The following KHDRBS2 variants were observed in gnomAD, a reference collection of about 807,000 sequenced individuals.
The protein encoded by KHDRBS2 is KH RNA binding domain containing, signal transduction associated 2.
Under a neutral mutation model 44.3 loss-of-function variants are expected in KHDRBS2, and 26 were observed. That is an observed-to-expected ratio of 0.59 (90% confidence interval 0.43 to 0.81). KHDRBS2 has a LOEUF of 0.81. Among genes scored for constraint, KHDRBS2 ranks in the 40% least tolerant of loss-of-function variants. The pLI is 0.00. For synonymous variants in KHDRBS2, 194 were observed against 151.1 expected (o/e 1.28, Z -2.08); for missense variants, 476 against 433.1 (o/e 1.10, Z -0.88).
intron 7 of KHDRBS2, among the ~76,000 whole-genome samples, chr6:61,700,407 A>C (rs1181130276): frequency 1.3e-5 from 2 of 148,350 alleles, no homozygotes; most frequent in Non-Finnish European, 3.0e-5. Flanking sequence ...AGAACTCTAA[A>C]CAAGGGAGAA....
chr6:61,677,580 C>T (rs144116665), downstream of KHDRBS2, among the ~76,000 whole-genome samples: 1,308 of 151,962 alleles, frequency 8.6e-3, 10 homozygotes, highest in Non-Finnish European at 0.012. Flanking sequence ...TCTTGTCTTA[C>T]GGGGGTAGTT....
At chr6:61,683,702 C>T (rs544886092) in intron 8 of KHDRBS2, among the ~76,000 whole-genome samples, 25 of 151,906 alleles carry the variant, frequency 1.6e-4, no homozygotes, top group Non-Finnish European at 2.4e-4. Flanking sequence ...ATGAAGTAAT[C>T]GTAGTGCGAT....
chr6:62,227,617 T>A (rs1832121506), intron 1 of KHDRBS2, among the ~76,000 whole-genome samples: 1 of 152,224 alleles, frequency 6.6e-6, no homozygotes, highest in South Asian at 2.1e-4. Flanking sequence ...TCAAGGGGAA[T>A]GCTTCCAGCT....
At chr6:62,104,548 A>G (rs912234685) in intron 2 of KHDRBS2, among the ~76,000 whole-genome samples, 4 of 152,204 alleles carry the variant, frequency 2.6e-5, no homozygotes, top group African/African-American at 7.2e-5. Context: ...TCTAAATAAC[A>G]TATGAGTAAA....
chr6:61,868,264 C>T (rs1294497856), intron 6 of KHDRBS2, among the ~76,000 whole-genome samples: 3 of 152,148 alleles, frequency 2.0e-5, no homozygotes, highest in Non-Finnish European at 2.9e-5. Context: ...CCACCTGCAT[C>T]ATCTTGGACT....
intron 4 of KHDRBS2, among the ~76,000 whole-genome samples, chr6:61,925,806 T>C (rs1327499547): frequency 2.0e-5 from 3 of 151,986 alleles, no homozygotes; most frequent in Admixed American, 2.0e-4. Context: ...AAGTATTACA[T>C]AGAACTTTTA....
intron 5 of KHDRBS2, among the ~76,000 whole-genome samples, chr6:61,895,829 A>G (rs1400327024): frequency 2.0e-5 from 3 of 152,200 alleles, no homozygotes; most frequent in Non-Finnish European, 4.4e-5. Context: ...CTGTAGGCAC[A>G]TATGGGGACA....
At chr6:61,890,567 T>C (rs1163327533) in intron 6 of KHDRBS2, among the ~76,000 whole-genome samples, 2 of 152,216 alleles carry the variant, frequency 1.3e-5, no homozygotes, top group African/African-American at 4.8e-5. Flanking sequence ...TTTTCTCTCT[T>C]CTTAATTTTT....
At chr6:61,632,722 G>T in the KHDRBS2 span, among the ~76,000 whole-genome samples, 1 of 151,954 alleles carries the variant, frequency 6.6e-6, no homozygotes, top group Non-Finnish European at 1.5e-5. Flanking sequence ...ACTTCTTCTG[G>T]CAGGGTCACT....
chr6:61,621,427 G>A, the KHDRBS2 span, among the ~76,000 whole-genome samples: 1 of 152,172 alleles, frequency 6.6e-6, no homozygotes, highest in Admixed American at 6.5e-5. Flanking sequence ...GGACTTTTTG[G>A]TAGCTTAGAA....
intron 6 of KHDRBS2, among the ~76,000 whole-genome samples, chr6:61,822,401 G>A (rs9445453): frequency 0.017 from 2,598 of 151,948 alleles, 76 homozygotes; most frequent in African/African-American, 0.059. Context: ...AATATTTCAT[G>A]AATCTCTTGA....
chr6:62,085,583 G>A (rs147197365), intron 2 of KHDRBS2, among the ~76,000 whole-genome samples: 21 of 152,162 alleles, frequency 1.4e-4, no homozygotes, highest in Admixed American at 1.2e-3. Flanking sequence ...TATAAATGAC[G>A]TGTTATATTA....
Position 61,848,555 on chromosome 6 carries a change from A to G in KHDRBS2, c.810+46080T>C, listed in dbSNP as rs1467807889. 4.2e-4 allele frequency among the ~76,000 whole-genome samples: 14 copies of G among 32,956 alleles called. 1 individual carries two copies. The highest frequency in any genetic ancestry group is 0.014 in the Middle Eastern group (1 of 72). The allele number at this position is 32,956 out of a possible 152,430, so 21.6% of individuals were successfully genotyped here. On this transcript the variant is annotated intron_variant, in intron 6 of 8. Coordinates refer to ENST00000281156, the MANE Select transcript of KHDRBS2 (RefSeq NM_152688.4). ...TACATATATATGTATATATATACAT[A>G]TATATATGTATATATATATACATAT...
At chr6:62,199,234 C>T (rs1485415609) in intron 1 of KHDRBS2, among the ~76,000 whole-genome samples, 1 of 152,038 alleles carries the variant, frequency 6.6e-6, no homozygotes, top group Non-Finnish European at 1.5e-5. Flanking sequence ...GAAGTTCTGG[C>T]CAGGGCAATC....
At chr6:61,808,798 T>C (rs1046514428) in intron 6 of KHDRBS2, among the ~76,000 whole-genome samples, 19 of 152,248 alleles carry the variant, frequency 1.2e-4, no homozygotes, top group African/African-American at 4.3e-4. Flanking sequence ...TGATATTTCA[T>C]GTATCTTTAC....
At chr6:61,766,450 T>G (rs900664063) in intron 6 of KHDRBS2, among the ~76,000 whole-genome samples, 1 of 152,032 alleles carries the variant, frequency 6.6e-6, no homozygotes, top group Non-Finnish European at 1.5e-5. Flanking sequence ...TTGTATTTTT[T>G]TGTTTAAATT....
At chr6:62,255,771 T>C (rs1837298840) in intron 1 of KHDRBS2, among the ~76,000 whole-genome samples, 1 of 151,876 alleles carries the variant, frequency 6.6e-6, no homozygotes, top group South Asian at 2.1e-4. Flanking sequence ...GTACCCCAGG[T>C]AAAACCATCC....
At chr6:61,955,682 A>G (rs1767002102) in intron 4 of KHDRBS2, among the ~76,000 whole-genome samples, 1 of 124,922 alleles carries the variant, frequency 8.0e-6, no homozygotes, top group Non-Finnish European at 1.7e-5. Flanking sequence ...ACACATATGT[A>G]TGTATACATA....
rs398001756 is a variant in KHDRBS2 at position 62,059,198 on chromosome 6, G to GTTTTTTTTTTTTTTTTTTTTTTTTTTTT, written c.220-11232_220-11205dup. Among the ~76,000 whole-genome samples, 20 of 24,884 alleles carry GTTTTTTTTTTTTTTTTTTTTTTTTTTTT rather than the reference G, an allele frequency of 8.0e-4. 6 individuals are homozygous for GTTTTTTTTTTTTTTTTTTTTTTTTTTTT. The highest frequency in any genetic ancestry group is 4.3e-3 in the East Asian group (2 of 466). 16.3% of individuals were successfully genotyped at this position (24,884 alleles called of 152,430 possible). ...TATTTCCACATAGAAAAGTTAGGAA[G>GTTTTTTTTTTTTTTTTTTTTTTTTTTTT]TTTTTTTTTTTTTTTTTTTTTTTTT... On this transcript the variant is annotated intron_variant, in intron 2 of 8. Coordinates refer to ENST00000281156, the MANE Select transcript of KHDRBS2 (RefSeq NM_152688.4).
Sources: gnomAD v4.1 joint callset for allele counts (sites outside exome capture counted in the v4.1 genomes callset) on GRCh38, gnomAD v4.1.1 for gene constraint, MANE v1.5 for transcripts, NCBI Gene and HGNC (gene_info 2026-07-23, HGNC 2026-07-21) for gene names.